SLC43A2: variants seen among roughly 807,000 people sequenced by gnomAD.
SLC43A2 encodes solute carrier family 43 member 2.
SLC43A2 carries 38 observed loss-of-function variants against 63.2 expected under a neutral mutation model. The observed-to-expected ratio is 0.60, with a 90% CI of 0.46 to 0.79. The LOEUF (loss-of-function observed/expected upper bound fraction) is 0.79, where lower values mean the gene tolerates loss of function less well. SLC43A2 is among the 30% of genes least tolerant of loss of function. The probability of loss-of-function intolerance (pLI) is 0.00; values close to 1 mark genes in which losing one functional copy is unlikely to be tolerated. For missense variants in SLC43A2, 644 were observed against 756.2 expected (o/e 0.85, Z 1.74); for synonymous variants, 322 against 331.0 (o/e 0.97, Z 0.30).
chr17:1,599,914 G>A (rs932100148), intron 5 of SLC43A2, among the ~76,000 whole-genome samples: 1 of 148,400 alleles, frequency 6.7e-6, no homozygotes, highest in African/African-American at 2.5e-5. Context: ...CGTGGTGGCG[G>A]GCGCCTGTAG....
In SLC43A2 at chr17:1,599,948, A is replaced by G. The variant is rs554499980; in HGVS notation, c.502-6669T>C. Reference sequence around the variant, plus strand: ...AGTCCCAGCTACTCGGGAGGCTGAGACGGGAGAATGGCGTGAACCTGGGAG... The same window carrying G: ...AGTCCCAGCTACTCGGGAGGCTGAGGCGGGAGAATGGCGTGAACCTGGGAG... On this transcript the variant is annotated intron_variant, in intron 5 of 13. Transcript: ENST00000301335. Among the ~76,000 whole-genome samples the G allele has an allele frequency of 2.3e-3, 335 of 143,152 alleles. 3 individuals are homozygous for G. The highest frequency in any genetic ancestry group is 8.3e-3 in the African/African-American group (319 of 38,480). The allele number at this position is 143,152 out of a possible 152,430, so 93.9% of individuals were successfully genotyped here. A position where few individuals can be genotyped will look rare whatever the true frequency, so the allele number is the denominator to read the frequency against.
chr17:1,585,744 T>A, intron 10 of SLC43A2, 169 bp downstream of exon 10: 1 of 1,573,828 alleles, frequency 6.4e-7, no homozygotes, highest in Non-Finnish European at 8.6e-7. Flanking sequence ...GGGGAGCAGT[T>A]GAAACGCATG....
intron 11 of SLC43A2, among the ~76,000 whole-genome samples, chr17:1,582,086 G>GT (rs963799289): frequency 3.5e-4 from 47 of 132,796 alleles, no homozygotes; most frequent in African/African-American, 9.4e-4. Flanking sequence ...GTTTTTTTTG[G>GT]TTTTTTTTTC....
chr17:1,622,416 T>G (rs929270433), intron 2 of SLC43A2, among the ~76,000 whole-genome samples: 2 of 151,364 alleles, frequency 1.3e-5, no homozygotes, highest in Admixed American at 6.6e-5. Context: ...ACAAAAAAAT[T>G]TAGCCAGGCG....
At chr17:1,604,772 G>A (rs1252476244) in intron 5 of SLC43A2, 3 of 1,535,790 alleles carry the variant, frequency 2.0e-6, no homozygotes, top group Admixed American at 3.9e-5. Flanking sequence ...ACCTCCCCAT[G>A]GTCCAGCGCC....
chr17:1,594,602 T>A (rs1905102177), intron 5 of SLC43A2, among the ~76,000 whole-genome samples: 1 of 147,188 alleles, frequency 6.8e-6, no homozygotes, highest in South Asian at 2.2e-4. Flanking sequence ...TTTTTTTTTT[T>A]TTTGAGACGG....
chr17:1,608,069 G>A (rs967753668), intron 5 of SLC43A2, among the ~76,000 whole-genome samples: 13 of 152,138 alleles, frequency 8.5e-5, no homozygotes, highest in African/African-American at 2.9e-4. Context: ...TCACGACTGC[G>A]TTGACTCTGA....
intron 5 of SLC43A2, among the ~76,000 whole-genome samples, chr17:1,595,492 G>A (rs1363122681): frequency 6.6e-6 from 1 of 151,894 alleles, no homozygotes; most frequent in Non-Finnish European, 1.5e-5. Context: ...CACCCAGGCT[G>A]GAATGCACTG....
chr17:1,588,383 T>A (rs1175803485), intron 9 of SLC43A2, among the ~76,000 whole-genome samples: 1 of 145,006 alleles, frequency 6.9e-6, no homozygotes, highest in African/African-American at 2.6e-5. Context: ...CGAAAATCCA[T>A]GTCAAAAAAA....
At chr17:1,604,229 T>C (rs1303331781) in intron 5 of SLC43A2, 1 of 152,284 alleles carries the variant, frequency 6.6e-6, no homozygotes, top group African/African-American at 2.4e-5. Flanking sequence ...TTTTTTTGTA[T>C]TTTGAGTAGA....
At chr17:1,579,152 AATAAT>A (rs1567608195) in intron 11 of SLC43A2, among the ~76,000 whole-genome samples, 4 of 111,068 alleles carry the variant, frequency 3.6e-5, no homozygotes, top group African/African-American at 3.9e-5. Flanking sequence ...AAAAAAAAAT[AATAAT>A]AATAATAATA....
chr17:1,616,266 A>G, intron 3 of SLC43A2: 1 of 405,546 alleles, frequency 2.5e-6, no homozygotes, highest in Non-Finnish European at 4.4e-6. Flanking sequence ...GGGAAACCCC[A>G]ATTATCATGC....
In SLC43A2 at chr17:1,623,148, G is replaced by A. The variant is rs563271576; in HGVS notation, c.160+4567C>T. Among the ~76,000 whole-genome samples the A allele has an allele frequency of 3.3e-5, 5 of 152,302 alleles. No individual in the cohort carries two copies. In the South Asian group the frequency reaches 1.0e-3, roughly 32 times the overall value. Reference sequence around the variant, plus strand: ...AAGAAAAGAGGTCCTCGAGGCAGCAGAGAAATCTCCTGTCCACATCTGCAG... The same window carrying A: ...AAGAAAAGAGGTCCTCGAGGCAGCAAAGAAATCTCCTGTCCACATCTGCAG... On this transcript the variant is annotated intron_variant, in intron 2 of 13. Coordinates refer to ENST00000301335, the MANE Select transcript of SLC43A2 (RefSeq NM_152346.3).
chr17:1,597,532 G>T (rs1166443645), intron 5 of SLC43A2, among the ~76,000 whole-genome samples: 1 of 149,950 alleles, frequency 6.7e-6, no homozygotes, highest in Non-Finnish European at 1.5e-5. Context: ...GGGCGAGGTG[G>T]CTCACGCCTG....
Position 1,593,163 on chromosome 17 carries a change from C to A in SLC43A2, c.594+24G>T. The A allele has an allele frequency of 6.3e-7, 1 of 1,599,956 alleles. No homozygotes were observed. The highest frequency in any genetic ancestry group is 2.2e-5 in the East Asian group (1 of 44,792). ...CCTGGAGCAGGCCTCTGCACAGACACCAGTGCAAAATACACGTGCTCACCT... is the reference window on the plus strand; with the variant it reads ...CCTGGAGCAGGCCTCTGCACAGACAACAGTGCAAAATACACGTGCTCACCT... On this transcript the variant is annotated intron_variant, in intron 6 of 13. Transcript: ENST00000301335. This position sits in a 1 kb window ranked among gnomAD's most constrained non-coding sequence, Gnocchi z 5.3.
chr17:1,604,629 C>T, intron 5 of SLC43A2: 3 of 1,180,678 alleles, frequency 2.5e-6, no homozygotes, highest in East Asian at 2.6e-5. Flanking sequence ...CCACCTCAGC[C>T]TCCTGAGCAG....
At chr17:1,591,980 C>T (rs1904858641) in intron 6 of SLC43A2, among the ~76,000 whole-genome samples, 2 of 152,324 alleles carry the variant, frequency 1.3e-5, no homozygotes, top group South Asian at 4.1e-4. Flanking sequence ...GCACGTCTTG[C>T]AGGCTCATAG....
At chr17:1,610,036 A>G (rs959030854) in intron 5 of SLC43A2, among the ~76,000 whole-genome samples, 1 of 151,988 alleles carries the variant, frequency 6.6e-6, no homozygotes, top group African/African-American at 2.4e-5. Flanking sequence ...CAGTCTCCCA[A>G]GTAGCTGGGA....
chr17:1,611,757 T>C (rs568095372), intron 5 of SLC43A2, among the ~76,000 whole-genome samples: 1 of 152,094 alleles, frequency 6.6e-6, no homozygotes, highest in Admixed American at 6.5e-5. Flanking sequence ...CAAATAGTAA[T>C]GGTAGGTACT....
Sources: gnomAD v4.1 joint callset for allele counts (sites outside exome capture counted in the v4.1 genomes callset) on GRCh38, gnomAD v4.1.1 for gene constraint, Gnocchi (gnomAD v3.1) non-coding constraint, MANE v1.5 for transcripts, NCBI Gene and HGNC (gene_info 2026-07-23, HGNC 2026-07-21) for gene names.